AKAP19: variants seen among roughly 807,000 people sequenced by gnomAD.
The protein encoded by AKAP19 is small A-kinase anchoring protein.
At chr2:190,064,370 A>G in the AKAP19 span, among the ~76,000 whole-genome samples, 5 of 152,222 alleles carry the variant, frequency 3.3e-5, no homozygotes, top group African/African-American at 1.2e-4. Context: ...TGTTATGATC[A>G]TTGTAACACA....
chr2:189,894,677 C>T, the AKAP19 span, among the ~76,000 whole-genome samples: 1 of 150,726 alleles, frequency 6.6e-6, no homozygotes, highest in Admixed American at 6.6e-5. Flanking sequence ...TTTGTTACTA[C>T]ATTATTATAT....
chr2:190,130,972 G>C, the AKAP19 span, among the ~76,000 whole-genome samples: 2 of 152,048 alleles, frequency 1.3e-5, no homozygotes, highest in African/African-American at 4.8e-5. Context: ...TTGCTGTAAG[G>C]GGTCCATGGC....
chr2:189,998,771 C>CTTTTTTTTTTTTTTTTTTTTTTTT, the AKAP19 span, among the ~76,000 whole-genome samples: 66 of 97,540 alleles, frequency 6.8e-4, no homozygotes, highest in East Asian at 1.3e-3. Context: ...TTCTTTCTTT[C>CTTTTTTTTTTTTTTTTTTTTTTTT]TTTTTTTTTT....
At chr2:190,117,808 T>C in the AKAP19 span, among the ~76,000 whole-genome samples, 134 of 152,336 alleles carry the variant, frequency 8.8e-4, no homozygotes, top group African/African-American at 3.1e-3. Context: ...TGAAGACATA[T>C]GGGAAGACAG....
the AKAP19 span, among the ~76,000 whole-genome samples, chr2:189,941,371 C>T: frequency 6.6e-6 from 1 of 152,042 alleles, no homozygotes; most frequent in African/African-American, 2.4e-5. Context: ...AGTATGAAGG[C>T]CAAAAGACAA....
chr2:190,140,397 C>T, the AKAP19 span, among the ~76,000 whole-genome samples: 1 of 152,216 alleles, frequency 6.6e-6, no homozygotes, highest in East Asian at 1.9e-4. Context: ...TTCCCTTCTG[C>T]ACTGCCCTAG....
the AKAP19 span, among the ~76,000 whole-genome samples, chr2:190,106,785 A>T: frequency 6.6e-6 from 1 of 152,212 alleles, no homozygotes; most frequent in Non-Finnish European, 1.5e-5. Context: ...ATCTAAAAAA[A>T]AATAAGTACT....
chr2:189,942,644 A>C, the AKAP19 span, among the ~76,000 whole-genome samples: 158 of 152,326 alleles, frequency 1.0e-3, 1 homozygote, highest in African/African-American at 3.3e-3. Context: ...ACACTGATTA[A>C]ATTTTTGTCA....
the AKAP19 span, among the ~76,000 whole-genome samples, chr2:189,991,150 T>C: frequency 6.6e-6 from 1 of 152,232 alleles, no homozygotes; most frequent in South Asian, 2.1e-4. Flanking sequence ...TGTACTGTTA[T>C]AAACATGTGT....
chr2:190,127,727 T>G, the AKAP19 span, among the ~76,000 whole-genome samples: 1 of 152,182 alleles, frequency 6.6e-6, no homozygotes, highest in Non-Finnish European at 1.5e-5. Context: ...TATAAACTTA[T>G]ATCAACATCA....
the AKAP19 span, among the ~76,000 whole-genome samples, chr2:190,065,064 C>T: frequency 0.068 from 10,348 of 152,132 alleles, 850 homozygotes; most frequent in African/African-American, 0.2. Flanking sequence ...GGCAGGGTTC[C>T]GCCTTTTTGT....
chr2:190,000,084 G>T, the AKAP19 span, among the ~76,000 whole-genome samples: 1 of 152,156 alleles, frequency 6.6e-6, no homozygotes, highest in Non-Finnish European at 1.5e-5. Flanking sequence ...TAGAAACAAG[G>T]TATCTTGGGC....
the AKAP19 span, among the ~76,000 whole-genome samples, chr2:190,195,516 AAC>A: frequency 7.9e-5 from 12 of 152,330 alleles, no homozygotes; most frequent in South Asian, 2.5e-3. Context: ...CATGATGTTG[AAC>A]ACTTTTCCAT....
the AKAP19 span, among the ~76,000 whole-genome samples, chr2:189,997,102 G>GT: frequency 6.6e-6 from 1 of 152,226 alleles, no homozygotes; most frequent in East Asian, 1.9e-4. Flanking sequence ...CATATGGAGA[G>GT]ACTCAGGACC....
At chr2:190,035,456 G>C in the AKAP19 span, among the ~76,000 whole-genome samples, 2 of 151,992 alleles carry the variant, frequency 1.3e-5, no homozygotes, top group Admixed American at 1.3e-4. Flanking sequence ...TTATCTTCGA[G>C]ATACAGACTA....
chr2:190,179,266 G>T, the AKAP19 span, among the ~76,000 whole-genome samples: 1 of 152,000 alleles, frequency 6.6e-6, no homozygotes, highest in Admixed American at 6.6e-5. The surrounding 1 kb of genome is among the most constrained non-coding windows in gnomAD (Gnocchi z 6.0). Flanking sequence ...AAATTAGCCT[G>T]GCATGGTGGC....
At chr2:190,009,373 A>T in the AKAP19 span, among the ~76,000 whole-genome samples, 5,222 of 152,262 alleles carry the variant, frequency 0.034, 282 homozygotes, top group African/African-American at 0.11. Context: ...ATAAGAGGAA[A>T]TGTTAAGAAA....
the AKAP19 span, chr2:190,057,504 T>A: frequency 4.3e-6 from 7 of 1,613,336 alleles, no homozygotes; most frequent in African/African-American, 1.3e-5. Context: ...TCCAATCCCA[T>A]CCAAAAGCTT....
At chr2:190,016,880 G>A in the AKAP19 span, among the ~76,000 whole-genome samples, 7 of 152,046 alleles carry the variant, frequency 4.6e-5, no homozygotes, top group Non-Finnish European at 7.4e-5. Context: ...TTAAAAGTTG[G>A]AGTATTGAGG....
Sources: allele counts gnomAD v4.1 joint callset (sites outside exome capture counted in the v4.1 genomes callset), GRCh38; gene constraint gnomAD v4.1.1; non-coding constraint Gnocchi (gnomAD v3.1); transcripts MANE v1.5; gene names NCBI Gene and HGNC (gene_info 2026-07-23, HGNC 2026-07-21).